The following ADAMTSL1 variants were observed in gnomAD, a reference collection of about 807,000 sequenced individuals.
ADAMTSL1 encodes the protein ADAMTS-like protein 1.
A neutral mutation model predicts 201.8 loss-of-function variants in ADAMTSL1; 126 were observed. The observed-to-expected ratio is 0.62, with a 90% CI of 0.54 to 0.72. The LOEUF (loss-of-function observed/expected upper bound fraction) is 0.72. ADAMTSL1 is among the 30% of genes least tolerant of loss of function. ADAMTSL1 has a pLI of 0.00. For synonymous variants in ADAMTSL1, 1,121 were observed against 903.4 expected (o/e 1.24, Z -4.32); for missense variants, 2,679 against 2,277.8 (o/e 1.18, Z -3.59).
intron 15 of ADAMTSL1, among the ~76,000 whole-genome samples, chr9:18,741,927 T>A (rs537637531): frequency 6.6e-6 from 1 of 152,324 alleles, no homozygotes; most frequent in African/African-American, 2.4e-5. Flanking sequence ...CCATCTCAAC[T>A]CATTCAACTC....
At chr9:18,036,273 G>A (rs947965505) in intron 1 of ADAMTSL1, among the ~76,000 whole-genome samples, 2 of 152,168 alleles carry the variant, frequency 1.3e-5, no homozygotes, top group Admixed American at 6.5e-5. Context: ...GCAGGGAAGA[G>A]GTTGAGAGGC....
chr9:18,242,616 CAA>C (rs1266650281), intron 2 of ADAMTSL1, among the ~76,000 whole-genome samples: 1 of 151,958 alleles, frequency 6.6e-6, no homozygotes, highest in East Asian at 1.9e-4. Flanking sequence ...TAAAAAAACT[CAA>C]AGATACCACA....
At chr9:18,731,959 T>G (rs1452059714) in intron 15 of ADAMTSL1, among the ~76,000 whole-genome samples, 1 of 152,194 alleles carries the variant, frequency 6.6e-6, no homozygotes, top group Non-Finnish European at 1.5e-5. Context: ...TATTTCCATA[T>G]GATATTCGGG....
chr9:18,831,668 A>G (rs1236628299), intron 23 of ADAMTSL1, among the ~76,000 whole-genome samples: 2 of 152,218 alleles, frequency 1.3e-5, no homozygotes, highest in African/African-American at 4.8e-5. Context: ...TCCAGCAGTT[A>G]AGAGACACCT....
chr9:18,145,849 A>G (rs1406940450), intron 1 of ADAMTSL1, among the ~76,000 whole-genome samples: 2 of 152,228 alleles, frequency 1.3e-5, no homozygotes, highest in African/African-American at 4.8e-5. Context: ...CAGACTAAAT[A>G]TCTCATAAAT....
intron 2 of ADAMTSL1, among the ~76,000 whole-genome samples, chr9:18,215,018 G>T (rs1281772054): frequency 6.6e-6 from 1 of 151,944 alleles, no homozygotes; most frequent in African/African-American, 2.4e-5. Flanking sequence ...TGAAAAAATT[G>T]AAAAAACAAC....
intron 1 of ADAMTSL1, among the ~76,000 whole-genome samples, chr9:18,079,972 G>T (rs944961569): frequency 6.6e-6 from 1 of 152,122 alleles, no homozygotes; most frequent in Non-Finnish European, 1.5e-5. Flanking sequence ...GAAGAATTGT[G>T]GGAGTGCTTG....
intron 15 of ADAMTSL1, among the ~76,000 whole-genome samples, chr9:18,750,718 A>C (rs1819422018): frequency 6.6e-6 from 1 of 152,226 alleles, no homozygotes; most frequent in African/African-American, 2.4e-5. Flanking sequence ...CACCTCTCAC[A>C]GTTCATGTGA....
chr9:18,635,885 A>C, intron 5 of ADAMTSL1, 58 bp from the exon 6 acceptor site: 1 of 1,461,892 alleles, frequency 6.8e-7, no homozygotes, highest in East Asian at 2.3e-5. Flanking sequence ...TTTAGAAGGC[A>C]ATCAATAATT....
intron 1 of ADAMTSL1, among the ~76,000 whole-genome samples, chr9:17,960,315 A>T (rs1228166093): frequency 6.6e-6 from 1 of 152,206 alleles, no homozygotes; most frequent in Non-Finnish European, 1.5e-5. Context: ...TCACATGGAT[A>T]TGTCAGCCTT....
intron 19 of ADAMTSL1, among the ~76,000 whole-genome samples, chr9:18,790,768 T>C (rs1012514123): frequency 1.3e-5 from 2 of 152,178 alleles, no homozygotes. Flanking sequence ...CGCTCCTTCA[T>C]TTTCTGGCTA....
intron 2 of ADAMTSL1, among the ~76,000 whole-genome samples, chr9:18,458,454 T>C (rs1820688746): frequency 6.6e-6 from 1 of 152,166 alleles, no homozygotes; most frequent in Non-Finnish European, 1.5e-5. Context: ...TGAAAAATAA[T>C]GATTTAACCA....
chr9:18,840,857 G>C (rs1239983507), intron 23 of ADAMTSL1, among the ~76,000 whole-genome samples: 1 of 149,132 alleles, frequency 6.7e-6, no homozygotes, highest in South Asian at 2.2e-4. Context: ...TGGTGTATAA[G>C]AATGCTTGTG....
intron 2 of ADAMTSL1, among the ~76,000 whole-genome samples, chr9:18,417,867 A>G (rs1300502448): frequency 2.0e-5 from 3 of 152,206 alleles, no homozygotes; most frequent in African/African-American, 7.2e-5. Context: ...CTTCCCAACT[A>G]ATTTTATAAA....
chr9:18,044,680 G>A (rs909932940), intron 1 of ADAMTSL1, among the ~76,000 whole-genome samples: 4 of 152,150 alleles, frequency 2.6e-5, no homozygotes, highest in African/African-American at 9.7e-5. Flanking sequence ...AATATTCAGT[G>A]ATCTCAGTTC....
chr9:18,032,829 C>G (rs1821028982), intron 1 of ADAMTSL1, among the ~76,000 whole-genome samples: 1 of 152,164 alleles, frequency 6.6e-6, no homozygotes, highest in South Asian at 2.1e-4. Flanking sequence ...AGTTCCTTTA[C>G]TCATCCCTTC....
intron 23 of ADAMTSL1, among the ~76,000 whole-genome samples, chr9:18,860,744 C>G (rs1292718196): frequency 6.6e-6 from 1 of 151,766 alleles, no homozygotes; most frequent in African/African-American, 2.4e-5. Flanking sequence ...GGTTTTCCTT[C>G]TCTATATTCT....
At chr9:18,145,336 C>T (rs1476842348) in intron 1 of ADAMTSL1, among the ~76,000 whole-genome samples, 1 of 152,152 alleles carries the variant, frequency 6.6e-6, no homozygotes, top group Non-Finnish European at 1.5e-5. Flanking sequence ...TATTTGGTAA[C>T]TATTTGACAG....
intron 1 of ADAMTSL1, among the ~76,000 whole-genome samples, chr9:18,072,277 A>T (rs1484264780): frequency 1.3e-5 from 2 of 152,190 alleles, no homozygotes; most frequent in African/African-American, 2.4e-5. Flanking sequence ...GCGAAACATG[A>T]TTTTATGTGA....
Sources: allele counts gnomAD v4.1 joint callset (sites outside exome capture counted in the v4.1 genomes callset), GRCh38; gene constraint gnomAD v4.1.1; transcripts MANE v1.5; gene names NCBI Gene and HGNC (gene_info 2026-07-23, HGNC 2026-07-21).